MMP19: variants seen among roughly 807,000 people sequenced by gnomAD.
MMP19 encodes matrix metallopeptidase 19.
MMP19 carries 47 observed loss-of-function variants against 46.6 expected under a neutral mutation model. The ratio of observed to expected loss-of-function variants is 1.01; its 90% confidence interval spans 0.80 to 1.29. MMP19 has a LOEUF of 1.29. Ranked by LOEUF, MMP19 falls within the 50% of genes most tolerant of loss-of-function variation. The pLI is 0.00. For missense variants in MMP19, 589 were observed against 643.5 expected (o/e 0.92, Z 0.92); for synonymous variants, 222 against 248.5 (o/e 0.89, Z 1.00).
In MMP19 at chr12:55,838,004, G is replaced by T. The variant is rs758007752; in HGVS notation, c.899C>A (p.Pro300His). ...SSELDAMMLG[P>H]RGKTYAFKGD... ...CTTGAAAGCATAGGTCTTCCCACGG[G>T]GCCCTGAGCGTAATGGTGTGTCAAC... The change falls in exon 7 of 9, where the codon CCC becomes CAC. Residue 300 changes from proline (P) to histidine (H), a missense_variant. Physicochemically the swap from Pro to His is moderately conservative, Grantham distance 77 (BLOSUM62 -2). Transcript: ENST00000322569. The T allele has an allele frequency of 6.3e-7, 1 of 1,578,004 alleles. No homozygotes were observed. The highest frequency in any genetic ancestry group is 1.4e-5 in the African/African-American group (1 of 74,004).
In MMP19 at chr12:55,839,519, A is replaced by G. The variant is rs775968529; in HGVS notation, c.743T>C (p.Val248Ala). The G allele has an allele frequency of 1.9e-5, 30 of 1,611,064 alleles. No homozygotes were observed. The highest frequency in any genetic ancestry group is 2.4e-5 in the Non-Finnish European group (28 of 1,177,566). Residue 248 changes from valine (V) to alanine (A), a missense_variant, in exon 5 of 9, where the codon GTG (valine) becomes GCG (alanine). Val to Ala is a moderately conservative substitution (Grantham distance 64). Transcript: ENST00000322569. ...ACCATAGAGAGCCTGGATCCCTGCC[A>G]CATCATCTGGGTGCAGCTTAAAGTG... is the stretch of plus-strand genomic sequence containing the variant. ...RPHFKLHPDD[V>A]AGIQALYGKK...
rs1372028417 is a variant in MMP19 at position 55,842,890 on chromosome 12, G to A, written c.-60C>T. 2 of 1,391,892 alleles carry A rather than the reference G, an allele frequency of 1.4e-6. No individual in the cohort carries two copies. Among genetic ancestry groups the A allele is most frequent in the Non-Finnish European group, 2.0e-6 (2 of 1,004,484 alleles). 86.2% of individuals were successfully genotyped at this position (1,391,892 alleles called of 1,614,324 possible). A position where few individuals can be genotyped will look rare whatever the true frequency, so the allele number is the denominator to read the frequency against. ...TGCCTCTGACCTGAGATTTCTGGGAGCCTTGGGGGAGCAGTGCTAGGCAGA... is the reference window on the plus strand; with the variant it reads ...TGCCTCTGACCTGAGATTTCTGGGAACCTTGGGGGAGCAGTGCTAGGCAGA... On this transcript the variant is annotated 5_prime_UTR_variant, in exon 1 of 9. Transcript: ENST00000322569.
At chr12:55,837,511 C>T in intron 8 of MMP19, 44 bp downstream of exon 8, 1 of 1,612,678 alleles carries the variant, frequency 6.2e-7, no homozygotes, top group African/African-American at 1.3e-5. Context: ...TAAGGTAGCC[C>T]ACTCCTCCTA....
chr12:55,838,454 C>T (rs1881419079), intron 6 of MMP19, 152 bp downstream of exon 6: 1 of 1,582,872 alleles, frequency 6.3e-7, no homozygotes, highest in Admixed American at 1.7e-5. Context: ...TCTCCCTCCC[C>T]ATGTCACATG....
Position 55,839,734 on chromosome 12 carries a change from G to C in MMP19, c.528C>G (p.Val176=). The change falls in exon 5 of 9, where the codon GTC becomes GTG. Residue 176 remains valine, a synonymous_variant. Transcript: ENST00000322569. ...CSNTFDGPGR[V]LAHADIPELG... The stretch of plus-strand genomic sequence containing the variant: ...GCTCTGGGATGTCGGCATGGGCCAG[G>C]ACTCTCCCTGGACAAAGGCAAAGGT... The C allele has an allele frequency of 6.2e-7, 1 of 1,610,592 alleles. No individual in the cohort carries two copies. The highest frequency in any genetic ancestry group is 1.1e-5 in the South Asian group (1 of 90,486).
intron 6 of MMP19, 166 bp downstream of exon 6, chr12:55,838,440 G>A (rs117431577): frequency 6.7e-5 from 104 of 1,560,386 alleles, no homozygotes; most frequent in Middle Eastern, 3.4e-4. Flanking sequence ...ATTTGGCTCC[G>A]AACTCTCCCT....
Position 55,838,737 on chromosome 12 carries a change from ATAAGGTAAAG to A in MMP19, c.767-13_767-4del. 1.3e-6 allele frequency: 2 copies of A among 1,579,114 alleles called. No individual in the cohort carries two copies. Among genetic ancestry groups the A allele is most frequent in the Non-Finnish European group, 1.7e-6 (2 of 1,160,564 alleles). Reference sequence around the variant, plus strand: ...CCTTATCACTGGACTCTTCTTGCCTATAAGGTAAAGTAATGCTGCTTAGGGAGAGAACTCA... The same window carrying A: ...CCTTATCACTGGACTCTTCTTGCCTATAATGCTGCTTAGGGAGAGAACTCA... On this transcript the variant is annotated splice_region_variant and splice_polypyrimidine_tract_variant and intron_variant, in intron 5 of 8. Coordinates refer to ENST00000322569, the MANE Select transcript of MMP19 (RefSeq NM_002429.6).
rs536324447 is a variant in MMP19, at chr12:55,841,590, T to C, written c.174-354A>G. On this transcript the variant is annotated intron_variant, in intron 2 of 8. Coordinates refer to ENST00000322569, the MANE Select transcript of MMP19 (RefSeq NM_002429.6). ...CTTCTCTCTTTCTTTCTTCCTTTCT[T>C]TCTTTTTTGGTAGAGATGGGGTCTC... 4.6e-5 allele frequency among the ~76,000 whole-genome samples: 7 copies of C among 152,086 alleles called. No homozygotes were observed. The South Asian group carries it at 1.2e-3, about 27-fold the overall frequency.
In MMP19 at chr12:55,840,673, C is replaced by T; in HGVS notation, c.514G>A (p.Gly172Arg). 6.2e-7 allele frequency: 1 copy of T among 1,613,256 alleles called. No homozygotes were observed. The highest frequency in any genetic ancestry group is 1.1e-5 in the South Asian group (1 of 91,032). The change falls in exon 4 of 9, where the codon GGG becomes AGG. Residue 172 changes from glycine to arginine, a missense_variant. Transcript: ENST00000322569. ...ACTGAGAACTGTTGCCTACCAGGCC[C>T]ATCAAAAGTATTGGAACAGTACGAG... ...QSSYCSNTFD[G>R]PGRVLAHADI... is the part of the protein sequence containing the mutation.
Position 55,837,654 on chromosome 12 carries a change from G to A in MMP19, c.1089C>T (p.Phe363=). 6.2e-7 allele frequency: 1 copy of A among 1,614,192 alleles called. No homozygotes were observed. Among genetic ancestry groups the A allele is most frequent in the Non-Finnish European group, 8.5e-7 (1 of 1,180,034 alleles). ...KGDKVWRYIN[F]KMSPGFPKKL... ...TCTTGGGGAAGCCAGGAGACATCTTGAAATTAATGTAGCGCCACACCTTGT... is the reference window on the plus strand; with the variant it reads ...TCTTGGGGAAGCCAGGAGACATCTTAAAATTAATGTAGCGCCACACCTTGT... The change falls in exon 8 of 9, where the codon TTC becomes TTT. Residue 363 remains phenylalanine (F), a synonymous_variant. Coordinates refer to ENST00000322569, the MANE Select transcript of MMP19 (RefSeq NM_002429.6).
chr12:55,841,307 G>T, intron 2 of MMP19, 71 bp from the exon 3 acceptor site: 1 of 1,553,178 alleles, frequency 6.4e-7, no homozygotes, highest in South Asian at 1.1e-5. Flanking sequence ...ATTGCTCTTT[G>T]ACTTCCTGCT....
In MMP19 at chr12:55,837,014, G is replaced by T; in HGVS notation, c.*22C>A. ...TGGAGCCTCAGGGGTTAATGTCCAA[G>T]ATTGTGTCTGTGGGTGAGCAGTCAG... On this transcript the variant is annotated 3_prime_UTR_variant, in exon 9 of 9. Transcript: ENST00000322569. 1 of 1,538,674 alleles carries T rather than the reference G, an allele frequency of 6.5e-7. No individual in the cohort carries two copies. The highest frequency in any genetic ancestry group is 8.8e-7 in the Non-Finnish European group (1 of 1,138,934).
At chr12:55,840,961 C>T in intron 3 of MMP19, 79 bp from the exon 4 acceptor site, 1 of 1,529,292 alleles carries the variant, frequency 6.5e-7, no homozygotes, top group Non-Finnish European at 8.8e-7. Context: ...TTTAGGCACT[C>T]AACCCCCAAG....
At chr12:55,840,518 C>T (rs994018474) in intron 4 of MMP19, 149 bp downstream of exon 4, 58 of 709,046 alleles carry the variant, frequency 8.2e-5, no homozygotes, top group South Asian at 4.9e-4. Flanking sequence ...ACCAACTGCG[C>T]CCGTGCTCCC....
Position 55,840,854 on chromosome 12 carries a change from G to A in MMP19, c.333C>T (p.Phe111=), listed in dbSNP as rs764805861. The change falls in exon 4 of 9, where the codon TTC becomes TTT. Residue 111 remains phenylalanine (F), a synonymous_variant. Transcript: ENST00000322569. ...LGRWRKKHLT[F]RILNLPSTLP... ...GGGTGGAGGGCAGGTTCAAGATGCG[G>A]AAAGTCAGGTGCTTCTTTCTCCAGC... 4 of 1,593,190 alleles carry A rather than the reference G, an allele frequency of 2.5e-6. No homozygotes were observed. The South Asian group carries it at 4.4e-5, about 18-fold the overall frequency.
At chr12:55,839,810 A>G (rs560253546) in intron 4 of MMP19, 69 bp from the exon 5 acceptor site, 13 of 1,514,034 alleles carry the variant, frequency 8.6e-6, no homozygotes, top group East Asian at 7.4e-5. Context: ...CCTGCCTATT[A>G]TAAACTCTAA....
chr12:55,842,694 A>C (rs368765252), intron 1 of MMP19, 50 bp downstream of exon 1: 11 of 1,451,510 alleles, frequency 7.6e-6, no homozygotes, highest in Non-Finnish European at 1.0e-5. Context: ...GCTGTGGAGC[A>C]GTAACCCCTG....
Position 55,839,484 on chromosome 12 carries a change from GGAGGGACTGACCATA to G in MMP19, c.763_766+11del, listed in dbSNP as rs766523966. 1 of 1,597,742 alleles carries G rather than the reference GGAGGGACTGACCATA, an allele frequency of 6.3e-7. No homozygotes were observed. Among genetic ancestry groups the G allele is most frequent in the South Asian group, 1.1e-5 (1 of 89,924 alleles). ...AGACTGACCCTCCCCCTCACTAGGGGGAGGGACTGACCATAGAGAGCCTGGATCCCTGCCACATCA... is the reference window on the plus strand; with the variant it reads ...AGACTGACCCTCCCCCTCACTAGGGGGAGAGCCTGGATCCCTGCCACATCA... On this transcript the variant is annotated splice_donor_variant and splice_donor_5th_base_variant and coding_sequence_variant and intron_variant, in exon 5 of 9. Coordinates refer to ENST00000322569, the MANE Select transcript of MMP19 (RefSeq NM_002429.6). LOFTEE classifies it high-confidence loss of function.
At chr12:55,838,299 CAACCA>C in intron 6 of MMP19, 2 of 637,940 alleles carry the variant, frequency 3.1e-6, no homozygotes, top group Non-Finnish European at 5.4e-6. Flanking sequence ...GTTGTCCTTC[CAACCA>C]GGTGCACCCT....
Sources: gnomAD v4.1 joint callset for allele counts (sites outside exome capture counted in the v4.1 genomes callset) on GRCh38, gnomAD v4.1.1 for gene constraint, MANE v1.5 for transcripts, NCBI Gene and HGNC (gene_info 2026-07-23, HGNC 2026-07-21) for gene names.